Variants in TBCK observed in about 807,000 individuals in gnomAD.
TBCK encodes the protein TBC1 domain containing kinase, also known as TBC domain-containing protein kinase-like protein.
Under a neutral mutation model 113.4 loss-of-function variants are expected in TBCK, and 99 were observed. The ratio of observed to expected loss-of-function variants is 0.87; its 90% CI spans 0.74 to 1.03. TBCK has a LOEUF of 1.03. Ranked by LOEUF, TBCK falls within the 50% of genes least tolerant of loss-of-function variation. The pLI, the probability that TBCK is intolerant of heterozygous loss-of-function variation, is 0.00. For synonymous variants in TBCK, 369 were observed against 370.8 expected, an observed-to-expected ratio of 1.00 and a Z score of 0.05; for missense variants, 1,045 against 1,061.3, an observed-to-expected ratio of 0.98 and a Z score of 0.21.
chr4:106,050,682 C>T (rs1221152858), intron 25 of TBCK, among the ~76,000 whole-genome samples: 2 of 151,976 alleles, frequency 1.3e-5, no homozygotes, highest in Non-Finnish European at 2.9e-5. Context: ...GCCACTAAGG[C>T]CCACTATAGG....
intron 23 of TBCK, among the ~76,000 whole-genome samples, chr4:106,131,655 G>C (rs1412814567): frequency 6.6e-6 from 1 of 152,152 alleles, no homozygotes; most frequent in Non-Finnish European, 1.5e-5. Context: ...GGTACCAGTA[G>C]AGTGTGGTGC....
At chr4:106,172,617 T>G (rs1208300791) in intron 22 of TBCK, among the ~76,000 whole-genome samples, 2 of 152,000 alleles carry the variant, frequency 1.3e-5, no homozygotes, top group Admixed American at 1.3e-4. Context: ...TCTTTTTTTC[T>G]CCCCCTCTTT....
At chr4:106,193,842 C>T (rs988667312) in intron 21 of TBCK, 72 bp from the exon 22 acceptor site, 20 of 1,011,136 alleles carry the variant, frequency 2.0e-5, no homozygotes, top group African/African-American at 5.0e-5. Flanking sequence ...ACTTACTTTA[C>T]TAGTTCTATA....
chr4:106,294,630 C>T (rs986751195), intron 3 of TBCK, among the ~76,000 whole-genome samples: 2 of 152,012 alleles, frequency 1.3e-5, no homozygotes, highest in Admixed American at 6.6e-5. Flanking sequence ...TACAGGTGCC[C>T]ACCACCACGT....
At chr4:106,275,775 TA>T (rs1306149203) in intron 3 of TBCK, among the ~76,000 whole-genome samples, 1 of 152,120 alleles carries the variant, frequency 6.6e-6, no homozygotes, top group Non-Finnish European at 1.5e-5. Context: ...AAGGAAGACT[TA>T]AAAATTTGGA....
At chr4:106,049,396 T>C (rs7661620) in intron 25 of TBCK, among the ~76,000 whole-genome samples, 6,278 of 152,114 alleles carry the variant, frequency 0.041, 439 homozygotes, top group African/African-American at 0.14. Context: ...TTCTTTCCTT[T>C]TATTTCTCTT....
intron 25 of TBCK, among the ~76,000 whole-genome samples, chr4:106,063,844 G>A (rs1160992824): frequency 6.6e-6 from 1 of 151,636 alleles, no homozygotes; most frequent in African/African-American, 2.4e-5. Flanking sequence ...GAACTATGAA[G>A]TGGGCTCTTA....
At chr4:106,120,449 T>C (rs1225533163) in intron 23 of TBCK, among the ~76,000 whole-genome samples, 3 of 152,154 alleles carry the variant, frequency 2.0e-5, no homozygotes, top group Admixed American at 1.3e-4. Context: ...AAGCTTGAAC[T>C]GGGTGGAGCC....
chr4:106,051,596 G>C (rs553918646), intron 25 of TBCK, among the ~76,000 whole-genome samples: 1 of 143,756 alleles, frequency 7.0e-6, no homozygotes, highest in East Asian at 2.0e-4. Flanking sequence ...GCCTCCTCTT[G>C]ACCCTCTGGA....
intron 23 of TBCK, among the ~76,000 whole-genome samples, chr4:106,148,158 T>C (rs1050207756): frequency 6.6e-6 from 1 of 152,172 alleles, no homozygotes; most frequent in Non-Finnish European, 1.5e-5. Flanking sequence ...TGCCCGAAAC[T>C]TCATTAGCAA....
At chr4:106,218,609 A>C (rs1346359850) in intron 19 of TBCK, among the ~76,000 whole-genome samples, 1 of 83,342 alleles carries the variant, frequency 1.2e-5, no homozygotes, top group Non-Finnish European at 2.6e-5. Context: ...GCCAAAAAAC[A>C]CATGAAAAAA....
chr4:106,113,532 G>A (rs1204424816), intron 24 of TBCK, among the ~76,000 whole-genome samples: 1 of 152,146 alleles, frequency 6.6e-6, no homozygotes, highest in African/African-American at 2.4e-5. Flanking sequence ...ATATGCTTGT[G>A]TTCACACCCC....
intron 24 of TBCK, among the ~76,000 whole-genome samples, chr4:106,115,777 T>C (rs1240790112): frequency 2.6e-5 from 4 of 152,224 alleles, no homozygotes; most frequent in Non-Finnish European, 5.9e-5. Context: ...ACATGTTCTA[T>C]GTAAGCCAGT....
chr4:106,104,239 C>T (rs1297805968), intron 24 of TBCK, among the ~76,000 whole-genome samples: 1 of 152,208 alleles, frequency 6.6e-6, no homozygotes, highest in Non-Finnish European at 1.5e-5. Flanking sequence ...CCCATAGGCC[C>T]CACTTCCATG....
intron 12 of TBCK, among the ~76,000 whole-genome samples, chr4:106,238,052 T>C (rs1759673075): frequency 6.6e-6 from 1 of 152,066 alleles, no homozygotes; most frequent in African/African-American, 2.4e-5. Context: ...GTATTTTAAA[T>C]TTCACAAGTA....
intron 24 of TBCK, among the ~76,000 whole-genome samples, chr4:106,109,873 GA>G (rs1395872382): frequency 6.6e-6 from 1 of 152,118 alleles, no homozygotes; most frequent in Non-Finnish European, 1.5e-5. Context: ...AAAAATTGTA[GA>G]AAGACACAAA....
chr4:106,068,996 A>C, intron 25 of TBCK, among the ~76,000 whole-genome samples: 1 of 144,148 alleles, frequency 6.9e-6, no homozygotes, highest in East Asian at 2.0e-4. Flanking sequence ...GGGTTGTTTG[A>C]TTTTTTCTTG....
At chr4:106,083,076 G>A (rs1739085248) in intron 25 of TBCK, among the ~76,000 whole-genome samples, 1 of 152,230 alleles carries the variant, frequency 6.6e-6, no homozygotes, top group East Asian at 1.9e-4. Flanking sequence ...ACTCTTGCGG[G>A]GAGAGGCGAC....
In TBCK at chr4:106,226,992, A is replaced by G. The variant is rs537876461; in HGVS notation, c.1774+3371T>C. 3.9e-5 allele frequency among the ~76,000 whole-genome samples: 6 copies of G among 152,246 alleles called. No homozygotes were observed. The East Asian group carries it at 1.2e-3, about 29-fold the overall frequency. On this transcript the variant is annotated intron_variant, in intron 19 of 25. Coordinates refer to ENST00000394708, the MANE Select transcript of TBCK (RefSeq NM_001163435.3). ...ACCTTATTAAGGTAATCTATAAGCA[A>G]AAAACAACTTCCACTACAAAATGCA...
Sources: gnomAD v4.1 joint callset for allele counts (sites outside exome capture counted in the v4.1 genomes callset) on GRCh38, gnomAD v4.1.1 for gene constraint, MANE v1.5 for transcripts, NCBI Gene and HGNC (gene_info 2026-07-23, HGNC 2026-07-21) for gene names.